The following CCDC149 variants were observed in gnomAD, a reference collection of about 807,000 sequenced individuals.
CCDC149 encodes coiled-coil domain-containing protein 149.
A neutral mutation model predicts 59.9 loss-of-function variants in CCDC149; 45 were observed. The observed-to-expected ratio is 0.75, with a 90% CI of 0.59 to 0.96. CCDC149 has a LOEUF of 0.96. Among genes scored for constraint, CCDC149 ranks in the 40% least tolerant of loss-of-function variants. CCDC149 has a pLI of 0.00. For missense variants in CCDC149, 584 were observed against 664.7 expected (o/e 0.88, Z 1.33); for synonymous variants, 245 against 260.6 (o/e 0.94, Z 0.58).
intron 1 of CCDC149, among the ~76,000 whole-genome samples, chr4:24,877,144 G>A (rs528745962): frequency 6.6e-6 from 1 of 151,986 alleles, no homozygotes; most frequent in East Asian, 1.9e-4. Flanking sequence ...TGTTTTCTAA[G>A]TTTCCAGAGT....
intron 1 of CCDC149, among the ~76,000 whole-genome samples, chr4:24,976,440 C>T (rs1300631642): frequency 6.6e-6 from 1 of 152,100 alleles, no homozygotes; most frequent in East Asian, 1.9e-4. Flanking sequence ...AGGCTGGGTG[C>T]GGTGGCTCAT....
chr4:24,895,561 C>A (rs1378567705), intron 1 of CCDC149, among the ~76,000 whole-genome samples: 1 of 152,158 alleles, frequency 6.6e-6, no homozygotes, highest in Non-Finnish European at 1.5e-5. Flanking sequence ...TTACCCAAGG[C>A]ATTTCTCATC....
intron 1 of CCDC149, among the ~76,000 whole-genome samples, chr4:24,975,937 A>C (rs370021353): frequency 6.4e-4 from 95 of 149,442 alleles, no homozygotes; most frequent in African/African-American, 2.1e-3. Flanking sequence ...CATGCATACA[A>C]GGAAGAGAAA....
At chr4:24,968,258 C>T (rs1053701772) in intron 1 of CCDC149, among the ~76,000 whole-genome samples, 1 of 152,230 alleles carries the variant, frequency 6.6e-6, no homozygotes, top group African/African-American at 2.4e-5. Flanking sequence ...GGGAGCTGAG[C>T]TCCAGTATTC....
chr4:24,855,245 C>A (rs1717924667), intron 3 of CCDC149, among the ~76,000 whole-genome samples: 1 of 152,076 alleles, frequency 6.6e-6, no homozygotes, highest in Non-Finnish European at 1.5e-5. Flanking sequence ...GAAACCAATG[C>A]CTGGCATGGA....
intron 1 of CCDC149, among the ~76,000 whole-genome samples, chr4:24,923,715 C>A (rs764091860): frequency 7.2e-5 from 11 of 152,084 alleles, no homozygotes; most frequent in Non-Finnish European, 1.2e-4. Flanking sequence ...AGGAGCAGAG[C>A]CTTAGTCATG....
chr4:24,926,352 A>C (rs930500259), intron 1 of CCDC149, among the ~76,000 whole-genome samples: 3 of 152,236 alleles, frequency 2.0e-5, no homozygotes, highest in African/African-American at 7.2e-5. Context: ...CACAGGAAAC[A>C]GTTTTGCTAA....
intron 1 of CCDC149, among the ~76,000 whole-genome samples, chr4:24,938,627 G>A (rs1317465800): frequency 1.3e-5 from 2 of 152,320 alleles, no homozygotes; most frequent in East Asian, 1.9e-4. Context: ...CAAGGGGTCA[G>A]GGAATTCCCT....
rs2109303130 is a variant in CCDC149 at position 24,899,415 on chromosome 4, G to A, written c.63+13402C>T. On this transcript the variant is annotated intron_variant, in intron 1 of 12. Coordinates refer to ENST00000635206, the MANE Select transcript of CCDC149 (RefSeq NM_001330643.2). ...TGTTTAGTTCCTGGGGACATGGCCA[G>A]TAGCCACATGGAGGGATGCAGAAGC... is the stretch of plus-strand genomic sequence containing the variant. Among the ~76,000 whole-genome samples, 2 of 152,288 alleles carry A rather than the reference G, an allele frequency of 1.3e-5. 1 individual carries two copies. Among genetic ancestry groups the A allele is most frequent in the Middle Eastern group, 6.8e-3 (2 of 294 alleles).
upstream of CCDC149, among the ~76,000 whole-genome samples, chr4:24,915,421 T>C (rs1040915782): frequency 6.6e-6 from 1 of 152,224 alleles, no homozygotes; most frequent in African/African-American, 2.4e-5. Context: ...CCCTTCATGA[T>C]ATACCACTGC....
At chr4:24,921,071 C>T (rs1203797680) in intron 1 of CCDC149, among the ~76,000 whole-genome samples, 1 of 152,148 alleles carries the variant, frequency 6.6e-6, no homozygotes, top group South Asian at 2.1e-4. Context: ...TCCTTGAGAG[C>T]AGGGATTGCG....
chr4:24,935,063 A>C (rs1037958083), intron 1 of CCDC149, among the ~76,000 whole-genome samples: 2 of 152,230 alleles, frequency 1.3e-5, no homozygotes, highest in South Asian at 4.1e-4. Flanking sequence ...GATAGGTGGG[A>C]TGAGGGAGAC....
chr4:24,827,118 T>C (rs1187585685), intron 9 of CCDC149: 1 of 152,202 alleles, frequency 6.6e-6, no homozygotes, highest in Non-Finnish European at 1.5e-5. Context: ...AATGACATCA[T>C]CAAAGGAGTC....
At position 24,821,105 on chromosome 4, in the gene CCDC149, A is replaced by G. The variant is rs1715361906; in HGVS notation, c.1043-18T>C. On this transcript the variant is annotated intron_variant, in intron 10 of 12. Transcript: ENST00000635206. ...GCTCAGGCCTTCAGGCAGCAAAAAGAAAAAAAGGAAATAATTGTTATTGCA... is the reference window on the plus strand; with the variant it reads ...GCTCAGGCCTTCAGGCAGCAAAAAGGAAAAAAGGAAATAATTGTTATTGCA... The G allele has an allele frequency of 8.2e-7, 1 of 1,226,162 alleles. No individual in the cohort carries two copies. The highest frequency in any genetic ancestry group is 1.0e-6 in the Non-Finnish European group (1 of 982,996). 76.0% of individuals were successfully genotyped at this position (1,226,162 alleles called of 1,614,324 possible). A position where few individuals can be genotyped will look rare whatever the true frequency, so the allele number is the denominator to read the frequency against.
At chr4:24,951,483 A>G (rs976593128) in intron 1 of CCDC149, among the ~76,000 whole-genome samples, 7 of 152,220 alleles carry the variant, frequency 4.6e-5, no homozygotes, top group African/African-American at 1.7e-4. Context: ...GTCATATTAA[A>G]AAGCCTCAAG....
Position 24,913,000 on chromosome 4 carries a change from G to T in CCDC149, c.-121C>A. 1 of 251,132 alleles carries T rather than the reference G, an allele frequency of 4.0e-6. No homozygotes were observed. The highest frequency in any genetic ancestry group is 6.5e-6 in the Non-Finnish European group (1 of 154,792). 15.6% of individuals were successfully genotyped at this position (251,132 alleles called of 1,614,324 possible). A position where few individuals can be genotyped will look rare whatever the true frequency, so the allele number is the denominator to read the frequency against. On this transcript the variant is annotated 5_prime_UTR_variant, in exon 1 of 13. Transcript: ENST00000635206. ...GGCGCCTCCGAGCCGCTGCGCCGCC[G>T]CCTCTCGCGGCCGCCAGCGCTGTTG...
chr4:24,969,619 G>T (rs1380249383), intron 1 of CCDC149, among the ~76,000 whole-genome samples: 2 of 152,174 alleles, frequency 1.3e-5, no homozygotes, highest in Non-Finnish European at 2.9e-5. Flanking sequence ...AACCTTGAAC[G>T]AACGGCCACA....
chr4:24,936,099 G>A (rs968241320), intron 1 of CCDC149, among the ~76,000 whole-genome samples: 97 of 152,228 alleles, frequency 6.4e-4, no homozygotes, highest in Middle Eastern at 3.4e-3. Flanking sequence ...GAAGTCTTGG[G>A]CAACCTTGAC....
At chr4:24,923,598 G>T (rs1722358681) in intron 1 of CCDC149, among the ~76,000 whole-genome samples, 1 of 152,200 alleles carries the variant, frequency 6.6e-6, no homozygotes. Flanking sequence ...AGAAGGAGTA[G>T]CACAGGGGCA....
Sources: gnomAD v4.1 joint callset for allele counts (sites outside exome capture counted in the v4.1 genomes callset) on GRCh38, gnomAD v4.1.1 for gene constraint, MANE v1.5 for transcripts, NCBI Gene and HGNC (gene_info 2026-07-23, HGNC 2026-07-21) for gene names.